CLSTN2: variants seen among roughly 807,000 people sequenced by gnomAD.
The protein encoded by CLSTN2 is calsyntenin-2.
Under a neutral mutation model 101.2 loss-of-function variants are expected in CLSTN2, and 48 were observed. That is an observed-to-expected ratio of 0.47 (90% CI 0.38 to 0.60). CLSTN2 has a LOEUF of 0.60. CLSTN2 is among the 20% of genes least tolerant of loss of function. CLSTN2 has a pLI of 0.00. For synonymous variants in CLSTN2, 481 were observed against 463.6 expected, an observed-to-expected ratio of 1.04 and a Z score of -0.48; for missense variants, 1,160 against 1,238.2, an observed-to-expected ratio of 0.94 and a Z score of 0.95.
intron 1 of CLSTN2, among the ~76,000 whole-genome samples, chr3:139,956,048 A>T (rs1301962178): frequency 6.6e-6 from 1 of 152,204 alleles, no homozygotes; most frequent in East Asian, 1.9e-4. Context: ...TTCCTCATGC[A>T]TCAGACTACC....
chr3:140,308,655 T>C (rs1485927839), intron 2 of CLSTN2, among the ~76,000 whole-genome samples: 1 of 152,216 alleles, frequency 6.6e-6, no homozygotes, highest in Non-Finnish European at 1.5e-5. Context: ...CCACCCCTGC[T>C]CATTTCTCAG....
chr3:140,405,196 C>G (rs1300443142), intron 4 of CLSTN2, among the ~76,000 whole-genome samples: 1 of 151,738 alleles, frequency 6.6e-6, no homozygotes, highest in East Asian at 1.9e-4. Flanking sequence ...GGAGGTGGGA[C>G]TTTTGAAATC....
At chr3:140,056,682 A>C (rs1236482422) in intron 1 of CLSTN2, among the ~76,000 whole-genome samples, 2 of 152,214 alleles carry the variant, frequency 1.3e-5, no homozygotes, top group Admixed American at 6.5e-5. Flanking sequence ...CTCTAATTAC[A>C]GTGTAATTGT....
intron 1 of CLSTN2, among the ~76,000 whole-genome samples, chr3:140,025,088 C>T (rs1296411278): frequency 6.6e-6 from 1 of 152,134 alleles, no homozygotes; most frequent in Non-Finnish European, 1.5e-5. Context: ...TCTCCCTGGC[C>T]AGGAACCTTG....
chr3:140,226,882 TGA>T (rs1354904545), intron 2 of CLSTN2, among the ~76,000 whole-genome samples: 1 of 152,182 alleles, frequency 6.6e-6, no homozygotes, highest in African/African-American at 2.4e-5. Flanking sequence ...TCAGATTTTG[TGA>T]GACTCTTTCA....
chr3:139,986,534 G>A (rs1229350869), intron 1 of CLSTN2, among the ~76,000 whole-genome samples: 1 of 152,150 alleles, frequency 6.6e-6, no homozygotes, highest in Non-Finnish European at 1.5e-5. Flanking sequence ...CTCTTCTTGT[G>A]GAGAACATTA....
intron 5 of CLSTN2, among the ~76,000 whole-genome samples, chr3:140,438,431 T>TAAAA (rs60186664): frequency 0.014 from 626 of 45,634 alleles, 142 homozygotes; most frequent in African/African-American, 0.041. Flanking sequence ...GTCCTTTCAT[T>TAAAA]AAAAAAAAAA....
At chr3:139,956,742 C>T (rs61096292) in intron 1 of CLSTN2, among the ~76,000 whole-genome samples, 5,722 of 152,194 alleles carry the variant, frequency 0.038, 320 homozygotes, top group African/African-American at 0.13. Flanking sequence ...GAGTGCAATG[C>T]TGATTGTCAT....
At chr3:140,313,165 A>C (rs1156994280) in intron 2 of CLSTN2, among the ~76,000 whole-genome samples, 3 of 152,086 alleles carry the variant, frequency 2.0e-5, no homozygotes, top group Non-Finnish European at 2.9e-5. Flanking sequence ...AGTCCCCCCC[A>C]AAAAAACCAT....
At chr3:140,049,669 GA>G (rs2007952583) in intron 1 of CLSTN2, among the ~76,000 whole-genome samples, 1 of 152,164 alleles carries the variant, frequency 6.6e-6, no homozygotes, top group Non-Finnish European at 1.5e-5. Flanking sequence ...GTTGCTTCAA[GA>G]GACACACATC....
chr3:140,406,480 A>G (rs930222672), intron 4 of CLSTN2, among the ~76,000 whole-genome samples: 1 of 152,366 alleles, frequency 6.6e-6, no homozygotes, highest in South Asian at 2.1e-4. Flanking sequence ...ACAAGCAAGT[A>G]AAGGAGGAAA....
In CLSTN2 at chr3:140,567,466, G is replaced by A. The variant is rs1383727314; in HGVS notation, c.*1213G>A. 6.6e-6 allele frequency: 1 copy of A among 152,210 alleles called. No individual in the cohort carries two copies. Among genetic ancestry groups the A allele is most frequent in the African/African-American group, 2.4e-5 (1 of 41,456 alleles). The allele number at this position is 152,210 out of a possible 1,614,324, so 9.4% of individuals were successfully genotyped here. A position where few individuals can be genotyped will look rare whatever the true frequency, so the allele number is the denominator to read the frequency against. On this transcript the variant is annotated 3_prime_UTR_variant, in exon 17 of 17. Transcript: ENST00000458420. ...AAAGGAGGAACACTTTAGATAGAGG[G>A]CAAATATATCTGAAAACCTAATTTC... is the stretch of plus-strand genomic sequence containing the variant.
chr3:140,421,882 G>A (rs934326984), intron 5 of CLSTN2, among the ~76,000 whole-genome samples: 1 of 152,192 alleles, frequency 6.6e-6, no homozygotes, highest in African/African-American at 2.4e-5. Context: ...ACTGAACTGA[G>A]GGCAAGTAAG....
intron 7 of CLSTN2, among the ~76,000 whole-genome samples, chr3:140,462,977 G>A (rs140524375): frequency 3.7e-4 from 56 of 152,304 alleles, no homozygotes; most frequent in African/African-American, 1.3e-3. Context: ...GGGAGGCTGC[G>A]AAATGAGTTT....
chr3:140,211,421 C>CACACACACACACACAA (rs1466484296), intron 2 of CLSTN2, among the ~76,000 whole-genome samples: 1 of 148,964 alleles, frequency 6.7e-6, no homozygotes, highest in Non-Finnish European at 1.5e-5. Context: ...CACACACACA[C>CACACACACACACACAA]ACACAGTATA....
chr3:140,384,818 G>A (rs2088032548), intron 2 of CLSTN2, among the ~76,000 whole-genome samples: 1 of 152,174 alleles, frequency 6.6e-6, no homozygotes, highest in African/African-American at 2.4e-5. Flanking sequence ...TCTTTAACTT[G>A]AATTAAACAT....
At chr3:140,256,541 C>T (rs1247737529) in intron 2 of CLSTN2, among the ~76,000 whole-genome samples, 1 of 152,188 alleles carries the variant, frequency 6.6e-6, no homozygotes, top group Non-Finnish European at 1.5e-5. Context: ...AGAGTAGGGC[C>T]TCAAAAATAG....
chr3:140,324,534 T>C lies in CLSTN2; in HGVS notation c.233-79095T>C, dbSNP rs1044145538. Among the ~76,000 whole-genome samples the C allele has an allele frequency of 1.6e-4, 24 of 152,282 alleles. No individual in the cohort carries two copies. The East Asian group carries it at 4.4e-3, about 28-fold the overall frequency. ...AAGTAGACCAAAATGTTGACAGCAA[T>C]TTTTCTAGGATTGTGGAAACCTGAT... On this transcript the variant is annotated intron_variant, in intron 2 of 16. Coordinates refer to ENST00000458420, the MANE Select transcript of CLSTN2 (RefSeq NM_022131.3).
chr3:140,155,912 A>C (rs1334853705), intron 1 of CLSTN2, among the ~76,000 whole-genome samples: 1 of 152,288 alleles, frequency 6.6e-6, no homozygotes, highest in Admixed American at 6.5e-5. Context: ...CCAAGATACA[A>C]GAGTAAGAAG....
Sources: allele counts gnomAD v4.1 joint callset (sites outside exome capture counted in the v4.1 genomes callset), GRCh38; gene constraint gnomAD v4.1.1; transcripts MANE v1.5; gene names NCBI Gene and HGNC (gene_info 2026-07-23, HGNC 2026-07-21).